PLCH1: variants seen among roughly 807,000 people sequenced by gnomAD.
PLCH1 encodes 1-phosphatidylinositol 4,5-bisphosphate phosphodiesterase eta-1.
A neutral mutation model predicts 126.7 loss-of-function variants in PLCH1; 60 were observed. The ratio of observed to expected loss-of-function variants is 0.47; its 90% confidence interval spans 0.38 to 0.59. The LOEUF is 0.59. PLCH1 is among the 20% of genes least tolerant of loss of function. The probability of loss-of-function intolerance (pLI) is 0.00; values close to 1 mark genes in which losing one functional copy is unlikely to be tolerated. For missense variants in PLCH1, 1,723 were observed against 2,040.0 expected, an observed-to-expected ratio of 0.84 and a Z score of 2.99; for synonymous variants, 719 against 734.9, an observed-to-expected ratio of 0.98 and a Z score of 0.35.
At chr3:155,456,565 CT>C (rs1184423511) in intron 21 of PLCH1, 2 of 152,330 alleles carry the variant, frequency 1.3e-5, no homozygotes, top group Non-Finnish European at 2.9e-5. Flanking sequence ...ATTTCTGCCC[CT>C]GACTCCAGAC....
chr3:155,552,858 A>C (rs1292489947), intron 9 of PLCH1, among the ~76,000 whole-genome samples: 1 of 152,212 alleles, frequency 6.6e-6, no homozygotes, highest in Non-Finnish European at 1.5e-5. Context: ...ATGGAGTCAA[A>C]AGATAACTTG....
chr3:155,550,356 T>C (rs1725946463), intron 9 of PLCH1, among the ~76,000 whole-genome samples: 1 of 152,182 alleles, frequency 6.6e-6, no homozygotes, highest in African/African-American at 2.4e-5. Context: ...AAGAGACCAC[T>C]GAATGTCATT....
intron 14 of PLCH1, 116 bp downstream of exon 14, chr3:155,500,587 A>T (rs1717741778): frequency 2.9e-6 from 2 of 691,066 alleles, no homozygotes; most frequent in Admixed American, 4.9e-5. Flanking sequence ...GTTCGACAGC[A>T]CAGAATACTT....
intron 6 of PLCH1, among the ~76,000 whole-genome samples, chr3:155,580,216 T>C (rs1048585987): frequency 2.6e-5 from 4 of 152,208 alleles, no homozygotes; most frequent in African/African-American, 7.2e-5. Flanking sequence ...TATGGAGATA[T>C]GTTTCAAAAG....
At chr3:155,539,902 T>G (rs1337471829) in intron 10 of PLCH1, among the ~76,000 whole-genome samples, 1 of 151,992 alleles carries the variant, frequency 6.6e-6, no homozygotes, top group Non-Finnish European at 1.5e-5. Context: ...AAAATTCATA[T>G]GGAACTAAAA....
chr3:155,579,877 T>G, intron 6 of PLCH1, among the ~76,000 whole-genome samples: 1 of 152,122 alleles, frequency 6.6e-6, no homozygotes, highest in African/African-American at 2.4e-5. Flanking sequence ...TGTCTGTCTC[T>G]GTCTGTCTGT....
chr3:155,554,874 C>G (rs1171277446), intron 8 of PLCH1, among the ~76,000 whole-genome samples: 2 of 152,286 alleles, frequency 1.3e-5, no homozygotes, highest in East Asian at 3.9e-4. Flanking sequence ...GCTTGTAACA[C>G]TGCATGGCAT....
intron 6 of PLCH1, among the ~76,000 whole-genome samples, chr3:155,578,592 T>C (rs1303014991): frequency 6.6e-6 from 1 of 152,146 alleles, no homozygotes; most frequent in African/African-American, 2.4e-5. Context: ...AAGATACTTC[T>C]CAGGAAATTC....
At chr3:155,719,787 A>G (rs1384140677) in intron 1 of PLCH1, among the ~76,000 whole-genome samples, 4 of 151,632 alleles carry the variant, frequency 2.6e-5, no homozygotes, top group African/African-American at 9.7e-5. Context: ...CCATGGTATA[A>G]ATATACTACA....
rs1233973432 is a variant in PLCH1, at chr3:155,458,455, AAAG to A, written c.2938+26898_2938+26900del. On this transcript the variant is annotated intron_variant, in intron 21 of 21. Coordinates refer to the PLCH1 transcript ENST00000494598. ...GAAGGAAGGAAGGAAGGAAGGAAGG[AAAG>A]AAAGAAAGAAAGAAAGAAAGAAAGA... Among the ~76,000 whole-genome samples, 14 of 74,770 alleles carry A rather than the reference AAAG, an allele frequency of 1.9e-4. 1 individual carries two copies. Among genetic ancestry groups the A allele is most frequent in the Middle Eastern group, 4.3e-3 (1 of 230 alleles). 49.1% of individuals were successfully genotyped at this position (74,770 alleles called of 152,430 possible). A position where few individuals can be genotyped will look rare whatever the true frequency, so the allele number is the denominator to read the frequency against.
chr3:155,506,312 C>T (rs547539272), intron 12 of PLCH1, among the ~76,000 whole-genome samples: 1 of 150,754 alleles, frequency 6.6e-6, no homozygotes, highest in African/African-American at 2.4e-5. Flanking sequence ...CTTCCTTCCA[C>T]TTCTCCAACA....
At chr3:155,607,765 C>A (rs962072330) in intron 2 of PLCH1, among the ~76,000 whole-genome samples, 9 of 152,054 alleles carry the variant, frequency 5.9e-5, no homozygotes, top group African/African-American at 1.7e-4. Flanking sequence ...AAAATATCTT[C>A]AAAATATAGG....
intron 21 of PLCH1, among the ~76,000 whole-genome samples, chr3:155,469,042 T>C (rs1176660937): frequency 2.6e-5 from 4 of 152,134 alleles, no homozygotes; most frequent in African/African-American, 9.7e-5. Context: ...TCTTAAAACA[T>C]TTTTAAAAAT....
chr3:155,506,191 A>G (rs891797411), intron 12 of PLCH1, among the ~76,000 whole-genome samples: 2 of 152,068 alleles, frequency 1.3e-5, no homozygotes, highest in Non-Finnish European at 2.9e-5. Flanking sequence ...TTAAATTCCA[A>G]TTTTACAGAA....
intron 2 of PLCH1, among the ~76,000 whole-genome samples, chr3:155,608,242 A>G (rs1483832443): frequency 1.3e-5 from 2 of 152,200 alleles, no homozygotes; most frequent in Non-Finnish European, 2.9e-5. Context: ...CCACAGGACT[A>G]GGGAGGGGGT....
At chr3:155,625,331 G>A (rs1737097442) in intron 2 of PLCH1, among the ~76,000 whole-genome samples, 2 of 152,096 alleles carry the variant, frequency 1.3e-5, no homozygotes, top group African/African-American at 4.8e-5. Context: ...ACATAGGCAT[G>A]GGCAAAGACT....
chr3:155,470,834 T>A (rs1374741143), intron 21 of PLCH1, among the ~76,000 whole-genome samples: 2 of 151,898 alleles, frequency 1.3e-5, no homozygotes, highest in African/African-American at 4.8e-5. Flanking sequence ...CTAAGCTTCA[T>A]AAGTGAAGGA....
At chr3:155,620,178 T>C (rs1488187071) in intron 2 of PLCH1, among the ~76,000 whole-genome samples, 5 of 152,126 alleles carry the variant, frequency 3.3e-5, no homozygotes, top group African/African-American at 1.2e-4. Context: ...AAAGTATGCA[T>C]AGATAATAAG....
rs140167479 is a variant in PLCH1, at chr3:155,652,810, A to G, written c.79+51336T>C. Among the ~76,000 whole-genome samples, 860 of 152,242 alleles carry G rather than the reference A, an allele frequency of 5.6e-3. 12 individuals are homozygous for G. Among genetic ancestry groups the G allele is most frequent in the African/African-American group, 0.02 (814 of 41,534 alleles). ...ACCCTCATCCGCTGATGATTTCTGCACCAAGCCCCACTTCTATTCTGCCAT... is the reference window on the plus strand; with the variant it reads ...ACCCTCATCCGCTGATGATTTCTGCGCCAAGCCCCACTTCTATTCTGCCAT... On this transcript the variant is annotated intron_variant, in intron 2 of 22. Transcript: ENST00000460012.
Sources: allele counts gnomAD v4.1 joint callset (sites outside exome capture counted in the v4.1 genomes callset), GRCh38; gene constraint gnomAD v4.1.1; transcripts MANE v1.5; gene names NCBI Gene and HGNC (gene_info 2026-07-23, HGNC 2026-07-21).